Variants in ZBTB20 observed in about 807,000 individuals in gnomAD.
ZBTB20 encodes the protein zinc finger and BTB domain containing 20.
Under a neutral mutation model 56.9 loss-of-function variants are expected in ZBTB20, and 9 were observed. The ratio of observed to expected loss-of-function variants is 0.16; its 90% CI spans 0.10 to 0.28. The LOEUF (loss-of-function observed/expected upper bound fraction) is 0.28. Ranked by LOEUF, ZBTB20 falls within the 10% of genes least tolerant of loss-of-function variation. The pLI, the probability that ZBTB20 is intolerant of heterozygous loss-of-function variation, is 1.00. For missense variants in ZBTB20, 655 were observed against 1,003.0 expected (o/e 0.65, Z 4.69); for synonymous variants, 417 against 420.7 (o/e 0.99, Z 0.11).
chr3:114,952,605 A>C (rs1478293298), intron 3 of ZBTB20, among the ~76,000 whole-genome samples: 1 of 151,986 alleles, frequency 6.6e-6, no homozygotes, highest in South Asian at 2.1e-4. Context: ...AAAAAAAAAA[A>C]ATCAATCTCT....
intron 5 of ZBTB20, among the ~76,000 whole-genome samples, chr3:114,757,211 C>T (rs2068068892): frequency 6.6e-6 from 1 of 152,052 alleles, no homozygotes; most frequent in Admixed American, 6.6e-5. Context: ...TCTAAAACTC[C>T]ACAGGTATTC....
At chr3:114,924,121 T>C (rs1005981135) in intron 3 of ZBTB20, among the ~76,000 whole-genome samples, 22 of 152,134 alleles carry the variant, frequency 1.4e-4, no homozygotes, top group African/African-American at 5.3e-4. Context: ...TAAATTGGTA[T>C]AGCCATTATG....
intron 6 of ZBTB20, among the ~76,000 whole-genome samples, chr3:114,665,216 G>T (rs953070059): frequency 1.4e-5 from 2 of 138,506 alleles, no homozygotes; most frequent in Non-Finnish European, 3.4e-5. Flanking sequence ...TCTATGTTTA[G>T]ATATGTTTAC....
At chr3:114,673,509 C>A (rs141585910) in intron 6 of ZBTB20, among the ~76,000 whole-genome samples, 1 of 152,004 alleles carries the variant, frequency 6.6e-6, no homozygotes, top group African/African-American at 2.4e-5. Context: ...AAGGCTGAAA[C>A]CATTATAAGT....
rs1343811454 is a variant in ZBTB20, at chr3:114,418,281, C to T, written c.-254-29176G>A. ...GAAATCTAAGTACAACTAAACATTT[C>T]CCCAAGCTGTGACAGCCTTATGGCT... On this transcript the variant is annotated intron_variant, in intron 7 of 11. Transcript: ENST00000675478. Among the ~76,000 whole-genome samples the T allele has an allele frequency of 3.4e-4, 51 of 152,038 alleles. 1 individual carries two copies. The highest frequency in any genetic ancestry group is 2.9e-3 in the Admixed American group (44 of 15,238).
At chr3:114,414,156 G>C (rs1352467713) in intron 7 of ZBTB20, among the ~76,000 whole-genome samples, 1 of 152,036 alleles carries the variant, frequency 6.6e-6, no homozygotes, top group Non-Finnish European at 1.5e-5. Flanking sequence ...TTATTATAGA[G>C]TACCTCAGAC....
intron 6 of ZBTB20, among the ~76,000 whole-genome samples, chr3:114,570,431 T>C (rs1455785427): frequency 6.6e-6 from 1 of 151,028 alleles, no homozygotes; most frequent in Non-Finnish European, 1.5e-5. Context: ...TATATTATAA[T>C]ACATTGTAAA....
intron 1 of ZBTB20, among the ~76,000 whole-genome samples, chr3:115,119,695 C>T (rs1158649070): frequency 1.3e-5 from 2 of 152,018 alleles, no homozygotes; most frequent in African/African-American, 4.8e-5. Flanking sequence ...ATCTAAATAC[C>T]AATTTATTTG....
intron 2 of ZBTB20, among the ~76,000 whole-genome samples, chr3:115,052,562 T>G (rs2081593773): frequency 6.6e-6 from 1 of 152,142 alleles, no homozygotes; most frequent in Non-Finnish European, 1.5e-5. Context: ...AAATGGAAAT[T>G]CGTCATCTTT....
intron 7 of ZBTB20, among the ~76,000 whole-genome samples, chr3:114,484,832 TGTGTGTGCGTGA>T (rs2041944437): frequency 1.4e-5 from 2 of 146,254 alleles, no homozygotes; most frequent in African/African-American, 4.9e-5. Flanking sequence ...CGTGCATGTG[TGTGTGTGCGTGA>T]GTGCACGCAC....
At chr3:114,643,747 T>C (rs2059684433) in intron 6 of ZBTB20, among the ~76,000 whole-genome samples, 1 of 152,088 alleles carries the variant, frequency 6.6e-6, no homozygotes, top group Admixed American at 6.6e-5. Flanking sequence ...CAGTTGATCT[T>C]TGAGTGTAAC....
intron 4 of ZBTB20, among the ~76,000 whole-genome samples, chr3:114,820,924 G>C (rs1044409760): frequency 6.6e-6 from 1 of 151,788 alleles, no homozygotes; most frequent in Non-Finnish European, 1.5e-5. Context: ...TAATTGTTTT[G>C]GTACCAATTT....
intron 3 of ZBTB20, among the ~76,000 whole-genome samples, chr3:114,928,115 C>T (rs562910567): frequency 2.0e-5 from 3 of 152,346 alleles, no homozygotes; most frequent in Admixed American, 2.0e-4. Context: ...ATGGTTTCTG[C>T]TTTCCAGGTG....
intron 2 of ZBTB20, among the ~76,000 whole-genome samples, chr3:115,046,813 G>C (rs1186969148): frequency 2.0e-5 from 3 of 152,010 alleles, no homozygotes; most frequent in African/African-American, 7.2e-5. Flanking sequence ...TCACAGCTCA[G>C]GAAATAATTA....
At chr3:114,401,282 A>G (rs1299968399) in intron 7 of ZBTB20, among the ~76,000 whole-genome samples, 1 of 152,164 alleles carries the variant, frequency 6.6e-6, no homozygotes, top group Non-Finnish European at 1.5e-5. Flanking sequence ...AATAAACTGT[A>G]GAAAACAAGA....
At chr3:114,999,773 A>G (rs2079173072) in intron 2 of ZBTB20, among the ~76,000 whole-genome samples, 1 of 151,704 alleles carries the variant, frequency 6.6e-6, no homozygotes, top group South Asian at 2.1e-4. Context: ...TTCAGCTATC[A>G]TTGTTTTTTA....
intron 3 of ZBTB20, among the ~76,000 whole-genome samples, chr3:114,934,762 T>C (rs1016036420): frequency 3.9e-5 from 6 of 152,214 alleles, no homozygotes; most frequent in Non-Finnish European, 5.9e-5. Flanking sequence ...AGGAATCCAT[T>C]GTTCAGTTAA....
intron 2 of ZBTB20, among the ~76,000 whole-genome samples, chr3:115,032,546 C>T (rs2080730698): frequency 1.3e-5 from 2 of 151,252 alleles, no homozygotes; most frequent in African/African-American, 2.4e-5. Context: ...ATAAAACAGA[C>T]ATACTGGGAA....
At chr3:114,708,980 G>A (rs1243181884) in intron 5 of ZBTB20, among the ~76,000 whole-genome samples, 2 of 151,898 alleles carry the variant, frequency 1.3e-5, no homozygotes, top group African/African-American at 4.8e-5. Flanking sequence ...CCCTCTGTAG[G>A]CACTCTTTTG....
Sources: allele counts gnomAD v4.1 joint callset (sites outside exome capture counted in the v4.1 genomes callset), GRCh38; gene constraint gnomAD v4.1.1; transcripts MANE v1.5; gene names NCBI Gene and HGNC (gene_info 2026-07-23, HGNC 2026-07-21).